KIAA1549L: variants seen among roughly 807,000 people sequenced by gnomAD.
KIAA1549L encodes the protein UPF0606 protein KIAA1549L.
A neutral mutation model predicts 160.7 loss-of-function variants in KIAA1549L; 88 were observed. The observed-to-expected ratio is 0.55, with a 90% CI of 0.46 to 0.65. The LOEUF (loss-of-function observed/expected upper bound fraction) is 0.65, where lower values mean the gene tolerates loss of function less well. KIAA1549L is among the 30% of genes least tolerant of loss of function. KIAA1549L has a pLI of 0.00. For synonymous variants in KIAA1549L, 950 were observed against 976.7 expected (o/e 0.97, Z 0.51); for missense variants, 2,258 against 2,437.5 (o/e 0.93, Z 1.55).
At position 33,609,912 on chromosome 11, in the gene KIAA1549L, A is replaced by G. The variant is rs772526477; in HGVS notation, c.5225A>G (p.His1742Arg). The change falls in exon 15 of 21, where the codon CAT (histidine) becomes CGT (arginine). Residue 1742 changes from histidine (H) to arginine (R), a missense_variant. Transcript: ENST00000658780. Reference protein sequence around the residue: ...MYEKAPKEMEHVLDPDSELCA... With the variant: ...MYEKAPKEMERVLDPDSELCA... The stretch of plus-strand genomic sequence containing the variant: ...GAAAAAGCCCCGAAGGAAATGGAGC[A>G]TGTTTTGGATCCAGATTCAGAACTC... 1.4e-5 allele frequency: 22 copies of G among 1,613,930 alleles called. No individual in the cohort carries two copies.
intron 1 of KIAA1549L, among the ~76,000 whole-genome samples, chr11:33,457,545 T>G (rs970881096): frequency 4.6e-5 from 7 of 152,192 alleles, no homozygotes; most frequent in Admixed American, 4.6e-4. Context: ...TCGTGGTATT[T>G]CAGTCAATGT....
chr11:33,417,521 C>T (rs966293741), intron 1 of KIAA1549L, among the ~76,000 whole-genome samples: 2 of 152,202 alleles, frequency 1.3e-5, no homozygotes, highest in Admixed American at 6.5e-5. Context: ...GACCTGCCCC[C>T]GACTTTCAGC....
Position 33,543,370 on chromosome 11 carries a change from A to AG in KIAA1549L, c.1808dup (p.Ser603ArgfsTer4). On this transcript the variant is annotated frameshift_variant, in exon 2 of 21. Transcript: ENST00000658780. LOFTEE classifies it high-confidence loss of function. ...TGTAAATGGATTTGTCTCTGATTTCAGCACCGGTAGTGTCTCATCTCCCAT... is the reference window on the plus strand; with the variant it reads ...TGTAAATGGATTTGTCTCTGATTTCAGGCACCGGTAGTGTCTCATCTCCCAT... The AG allele has an allele frequency of 6.2e-7, 1 of 1,614,034 alleles. No individual in the cohort carries two copies.
At chr11:33,478,037 G>A (rs769209091) in intron 1 of KIAA1549L, among the ~76,000 whole-genome samples, 2 of 152,244 alleles carry the variant, frequency 1.3e-5, no homozygotes, top group Non-Finnish European at 2.9e-5. Context: ...TCCAGCCAGA[G>A]GGGGTGTTGG....
intron 13 of KIAA1549L, among the ~76,000 whole-genome samples, chr11:33,599,809 A>T (rs1377839083): frequency 1.3e-5 from 2 of 152,130 alleles, no homozygotes; most frequent in Non-Finnish European, 2.9e-5. Flanking sequence ...TACTGATTTC[A>T]TATCAGGGAA....
chr11:33,510,310 C>G (rs553076254), intron 1 of KIAA1549L, among the ~76,000 whole-genome samples: 1 of 152,088 alleles, frequency 6.6e-6, no homozygotes, highest in South Asian at 2.1e-4. Flanking sequence ...CTCAGCCCCC[C>G]GAGTAGCTGG....
At chr11:33,506,152 A>G (rs912865953) in intron 1 of KIAA1549L, among the ~76,000 whole-genome samples, 5 of 152,338 alleles carry the variant, frequency 3.3e-5, no homozygotes, top group South Asian at 2.1e-4. Flanking sequence ...GACTTACCCA[A>G]TGGTAGATAC....
intron 1 of KIAA1549L, among the ~76,000 whole-genome samples, chr11:33,470,410 G>T (rs139411449): frequency 1.6e-4 from 25 of 152,126 alleles, no homozygotes; most frequent in African/African-American, 6.0e-4. Context: ...CTGTAGTATA[G>T]TGTATTGTAG....
chr11:33,563,111 A>G (rs1356934357), intron 8 of KIAA1549L, among the ~76,000 whole-genome samples: 1 of 151,950 alleles, frequency 6.6e-6, no homozygotes, highest in Admixed American at 6.6e-5. Flanking sequence ...TAATCCCAGA[A>G]CTTTGGGAGG....
At chr11:33,596,688 G>A (rs894679303) in intron 12 of KIAA1549L, among the ~76,000 whole-genome samples, 1 of 152,194 alleles carries the variant, frequency 6.6e-6, no homozygotes, top group Non-Finnish European at 1.5e-5. Context: ...GCAGTGAGCC[G>A]AGATTGCACC....
chr11:33,563,775 A>G (rs1854955087), intron 8 of KIAA1549L, among the ~76,000 whole-genome samples: 1 of 152,180 alleles, frequency 6.6e-6, no homozygotes, highest in Non-Finnish European at 1.5e-5. Flanking sequence ...TTACAAAATC[A>G]TGTTTTCTTT....
chr11:33,383,405 A>G (rs933895252), intron 1 of KIAA1549L, among the ~76,000 whole-genome samples: 43 of 152,212 alleles, frequency 2.8e-4, no homozygotes, highest in African/African-American at 9.6e-4. Flanking sequence ...AGAGGGACAC[A>G]TTATTCTGGG....
chr11:33,599,357 A>G (rs1850293561), intron 13 of KIAA1549L: 1 of 154,824 alleles, frequency 6.5e-6, no homozygotes. Flanking sequence ...CTCATCTTGG[A>G]GATTCCTCTC....
intron 1 of KIAA1549L, among the ~76,000 whole-genome samples, chr11:33,491,060 C>T (rs938269939): frequency 1.3e-5 from 2 of 152,222 alleles, no homozygotes; most frequent in African/African-American, 4.8e-5. Context: ...TGTCTGTCTC[C>T]TCAACTAGAC....
At chr11:33,553,926 G>C (rs1004088290) in intron 6 of KIAA1549L, among the ~76,000 whole-genome samples, 1 of 152,172 alleles carries the variant, frequency 6.6e-6, no homozygotes, top group Non-Finnish European at 1.5e-5. Flanking sequence ...CCTTGGAAAA[G>C]ATGATAGGAG....
rs563609974 is a variant in KIAA1549L at position 33,496,092 on chromosome 11, T to C, written c.239-45710T>C. On this transcript the variant is annotated intron_variant, in intron 1 of 20. Transcript: ENST00000658780. ...GTTATCCCTGCCTCAGCCTCCCGAG[T>C]AGCTGGGATTACAGGCTCCTGCCAC... 3.7e-4 allele frequency among the ~76,000 whole-genome samples: 56 copies of C among 152,158 alleles called. 1 individual carries two copies. In the East Asian group the frequency reaches 8.9e-3, roughly 24 times the overall value.
In KIAA1549L at chr11:33,598,814, C is replaced by T. The variant is rs752788603; in HGVS notation, c.4752-6C>T. Reference sequence around the variant, plus strand: ...CCGTCTCCCCTGTTGCTATGGTTACCTCCAGCAGGTCGCCCAGTGAGAATG... The same window carrying T: ...CCGTCTCCCCTGTTGCTATGGTTACTTCCAGCAGGTCGCCCAGTGAGAATG... On this transcript the variant is annotated splice_region_variant and splice_polypyrimidine_tract_variant and intron_variant, in intron 12 of 20. Transcript: ENST00000658780. 53 of 1,613,730 alleles carry T rather than the reference C, an allele frequency of 3.3e-5. No homozygotes were observed. The highest frequency in any genetic ancestry group is 3.8e-5 in the Non-Finnish European group (45 of 1,179,810).
At chr11:33,440,905 A>C (rs1426279114) in intron 1 of KIAA1549L, among the ~76,000 whole-genome samples, 1 of 151,820 alleles carries the variant, frequency 6.6e-6, no homozygotes, top group Non-Finnish European at 1.5e-5. Context: ...TTCTAGGTTG[A>C]CAGTTCTTTT....
At position 33,645,677 on chromosome 11, in the gene KIAA1549L, C is replaced by T. The variant is rs2133404846; in HGVS notation, c.5410-9C>T. ...TAAACACATCAATGGGCTTTGTTTCCTCCCACAGACTGAGCCTGAAATCAT... is the reference window on the plus strand; with the variant it reads ...TAAACACATCAATGGGCTTTGTTTCTTCCCACAGACTGAGCCTGAAATCAT... On this transcript the variant is annotated splice_polypyrimidine_tract_variant and intron_variant, in intron 16 of 20. Coordinates refer to ENST00000658780, the MANE Select transcript of KIAA1549L (RefSeq NM_012194.3). The T allele has an allele frequency of 1.2e-6, 2 of 1,602,440 alleles. No homozygotes were observed. The highest frequency in any genetic ancestry group is 1.3e-5 in the African/African-American group (1 of 74,736).
Sources: gnomAD v4.1 joint callset for allele counts (sites outside exome capture counted in the v4.1 genomes callset) on GRCh38, gnomAD v4.1.1 for gene constraint, MANE v1.5 for transcripts, NCBI Gene and HGNC (gene_info 2026-07-23, HGNC 2026-07-21) for gene names.